RAB8B: variants seen among roughly 807,000 people sequenced by gnomAD.
The protein encoded by RAB8B is ras-related protein Rab-8B.
In RAB8B, 11 loss-of-function variants were observed where a neutral mutation model predicts 32.0. That is an observed-to-expected ratio of 0.34 (90% CI 0.22 to 0.57). The LOEUF is 0.57. Ranked by LOEUF, RAB8B falls within the 20% of genes least tolerant of loss-of-function variation. The pLI is 0.86. For synonymous variants in RAB8B, 103 were observed against 89.6 expected (o/e 1.15, Z -0.85); for missense variants, 190 against 258.5 (o/e 0.73, Z 1.82).
intron 1 of RAB8B, among the ~76,000 whole-genome samples, chr15:63,214,118 C>G (rs1277828862): frequency 6.6e-6 from 1 of 151,616 alleles, no homozygotes; most frequent in Non-Finnish European, 1.5e-5. Context: ...GCTATACCAA[C>G]GTGTAAAATG....
chr15:63,219,548 G>A (rs2037826167), intron 1 of RAB8B, among the ~76,000 whole-genome samples: 1 of 151,882 alleles, frequency 6.6e-6, no homozygotes, highest in Admixed American at 6.6e-5. Flanking sequence ...GTAACAAGGA[G>A]TAAGGGTCAA....
At chr15:63,210,872 AAG>A (rs1344352621) in intron 1 of RAB8B, among the ~76,000 whole-genome samples, 3 of 152,182 alleles carry the variant, frequency 2.0e-5, no homozygotes, top group African/African-American at 7.2e-5. Flanking sequence ...GAAGAGAACA[AAG>A]AGAAATTTAA....
intron 1 of RAB8B, among the ~76,000 whole-genome samples, chr15:63,190,919 G>T (rs1035308099): frequency 9.2e-5 from 14 of 152,204 alleles, no homozygotes; most frequent in Admixed American, 9.2e-4. Context: ...TGAATCAAGA[G>T]TTTTTCTGAT....
chr15:63,233,572 CA>C (rs1488206536), intron 1 of RAB8B, among the ~76,000 whole-genome samples: 26 of 152,200 alleles, frequency 1.7e-4, no homozygotes, highest in Non-Finnish European at 3.4e-4. Flanking sequence ...AAAGCATAAG[CA>C]AAATTTGATT....
chr15:63,264,869 T>A lies in RAB8B; in HGVS notation c.*1250T>A, dbSNP rs1290094150. ...GTTGATTGTGTAGAACCCAGTTCCA[T>A]CTGTTTTGGTTCATTGTTACAGAAC... On this transcript the variant is annotated 3_prime_UTR_variant, in exon 8 of 8. Coordinates refer to ENST00000321437, the MANE Select transcript of RAB8B (RefSeq NM_016530.3). The A allele has an allele frequency of 6.6e-6, 1 of 152,642 alleles. No individual in the cohort carries two copies. The highest frequency in any genetic ancestry group is 1.5e-5 in the Non-Finnish European group (1 of 68,040). The allele number at this position is 152,642 out of a possible 1,614,324, so 9.5% of individuals were successfully genotyped here. A position where few individuals can be genotyped will look rare whatever the true frequency, so the allele number is the denominator to read the frequency against.
intron 1 of RAB8B, among the ~76,000 whole-genome samples, chr15:63,219,722 A>G (rs557510785): frequency 1.2e-4 from 18 of 152,316 alleles, no homozygotes; most frequent in South Asian, 2.1e-4. Flanking sequence ...AGAAAAACCA[A>G]TTCTATGGAG....
At chr15:63,190,828 G>T (rs1256794635) in intron 1 of RAB8B, among the ~76,000 whole-genome samples, 1 of 152,136 alleles carries the variant, frequency 6.6e-6, no homozygotes, top group Non-Finnish European at 1.5e-5. Flanking sequence ...CATTCTACCT[G>T]CCTCCCTGTA....
At chr15:63,222,967 AT>A (rs2037857012) in intron 1 of RAB8B, 1 of 436,796 alleles carries the variant, frequency 2.3e-6, no homozygotes, top group Non-Finnish European at 4.5e-6. Context: ...TATAGTGTTT[AT>A]AGAGTCTACA....
At chr15:63,220,643 A>G (rs1406056400) in intron 1 of RAB8B, among the ~76,000 whole-genome samples, 1 of 152,240 alleles carries the variant, frequency 6.6e-6, no homozygotes, top group Non-Finnish European at 1.5e-5. Flanking sequence ...TTACCCAAAT[A>G]TGTAACTTAA....
chr15:63,204,407 A>G (rs552060933), intron 1 of RAB8B, among the ~76,000 whole-genome samples: 36 of 152,260 alleles, frequency 2.4e-4, no homozygotes, highest in African/African-American at 8.2e-4. Context: ...GCAGACTCTC[A>G]GGGCATCTTG....
At chr15:63,255,700 G>A (rs1003066365) in intron 4 of RAB8B, 116 bp downstream of exon 4, 18 of 785,352 alleles carry the variant, frequency 2.3e-5, no homozygotes, top group African/African-American at 6.9e-5. Context: ...GGCAGGTTGG[G>A]CCCTCTCTCT....
At chr15:63,256,625 A>G in intron 5 of RAB8B, 31 bp downstream of exon 5, 1 of 1,448,606 alleles carries the variant, frequency 6.9e-7, no homozygotes, top group South Asian at 1.2e-5. Flanking sequence ...TAAAGGTTGG[A>G]ATCTACTCAC....
rs2038186245 is a variant in RAB8B, at chr15:63,259,486, A to G, written c.415-141A>G. The G allele has an allele frequency of 1.5e-6, 1 of 657,978 alleles. No homozygotes were observed. The highest frequency in any genetic ancestry group is 1.9e-5 in the South Asian group (1 of 51,980). 40.8% of individuals were successfully genotyped at this position (657,978 alleles called of 1,614,324 possible). ...ATTATTAAATTCTGAATACAGTAGA[A>G]GAAAGCAAAGAAATTTGAGAACCAC... On this transcript the variant is annotated intron_variant, in intron 5 of 7. Coordinates refer to ENST00000321437, the MANE Select transcript of RAB8B (RefSeq NM_016530.3). This position sits in a 1 kb window ranked among gnomAD's most constrained non-coding sequence, Gnocchi z 4.4.
At chr15:63,214,086 A>G (rs974012594) in intron 1 of RAB8B, among the ~76,000 whole-genome samples, 36 of 94,760 alleles carry the variant, frequency 3.8e-4, no homozygotes, top group South Asian at 1.9e-3. Context: ...GTCTCAGGGG[A>G]AAAAAAAAAG....
chr15:63,262,638 T>C (rs979422620), intron 6 of RAB8B, 54 bp from the exon 7 acceptor site: 5 of 512,464 alleles, frequency 9.8e-6, no homozygotes, highest in Non-Finnish European at 1.5e-5. Flanking sequence ...TATATATATA[T>C]ATACATATAT....
intron 1 of RAB8B, among the ~76,000 whole-genome samples, chr15:63,220,828 CT>C (rs921974525): frequency 2.6e-5 from 4 of 151,822 alleles, no homozygotes; most frequent in African/African-American, 7.3e-5. Context: ...GAGGCTCCTG[CT>C]TTTTTTTAAA....
chr15:63,257,857 G>A (rs1364408721), intron 5 of RAB8B, among the ~76,000 whole-genome samples: 2 of 151,528 alleles, frequency 1.3e-5, no homozygotes, highest in African/African-American at 4.8e-5. Flanking sequence ...TCAGGAGTTC[G>A]AGACCAGCCT....
At position 63,263,602 on chromosome 15, in the gene RAB8B, C is replaced by A; in HGVS notation, c.607C>A (p.Arg203Ser). Residue 203 changes from arginine (R) to serine (S), a missense_variant, in exon 8 of 8, where the codon CGT becomes AGT. Physicochemically the swap from Arg to Ser is moderately radical, Grantham distance 110. Around this residue, in one of 2 missense-constraint regions of RAB8B, gnomAD observed 110 missense variants for 115.9 expected, o/e 0.95. Coordinates refer to ENST00000321437, the MANE Select transcript of RAB8B (RefSeq NM_016530.3). ...ENRSKKTSFF[R>S]CSLL ...CCGATCAAAGAAGACCAGTTTCTTT[C>A]GTTGCTCGCTACTTTGATGAACTCT... 1 of 1,608,744 alleles carries A rather than the reference C, an allele frequency of 6.2e-7. No individual in the cohort carries two copies. Among genetic ancestry groups the A allele is most frequent in the South Asian group, 1.1e-5 (1 of 90,960 alleles).
At chr15:63,225,178 G>A (rs551927902) in intron 1 of RAB8B, among the ~76,000 whole-genome samples, 1 of 152,336 alleles carries the variant, frequency 6.6e-6, no homozygotes, top group East Asian at 1.9e-4. Flanking sequence ...AAAGTTTGCT[G>A]AGCCTCTTAG....
Sources: allele counts gnomAD v4.1 joint callset (sites outside exome capture counted in the v4.1 genomes callset), GRCh38; gene constraint gnomAD v4.1.1; regional missense constraint gnomAD v4.1.1; non-coding constraint Gnocchi (gnomAD v3.1); transcripts MANE v1.5; gene names NCBI Gene and HGNC (gene_info 2026-07-23, HGNC 2026-07-21).